The following SLC35F3 variants were observed in gnomAD, a reference collection of about 807,000 sequenced individuals.
SLC35F3 encodes the protein putative thiamine transporter SLC35F3.
SLC35F3 carries 25 observed loss-of-function variants against 49.9 expected under a neutral mutation model. The ratio of observed to expected loss-of-function variants is 0.50; its 90% CI spans 0.37 to 0.70. The LOEUF is 0.70. Ranked by LOEUF, SLC35F3 falls within the 30% of genes least tolerant of loss-of-function variation. The pLI is 0.00. For missense variants in SLC35F3, 525 were observed against 639.8 expected (o/e 0.82, Z 1.94); for synonymous variants, 275 against 265.4 (o/e 1.04, Z -0.35).
intron 2 of SLC35F3, among the ~76,000 whole-genome samples, chr1:234,087,673 T>TA (rs774494898): frequency 3.0e-4 from 46 of 152,056 alleles, no homozygotes; most frequent in African/African-American, 4.3e-4. Flanking sequence ...ACTCTTCTGT[T>TA]AAAAAAAACC....
chr1:233,994,811 G>A (rs1663431795), intron 2 of SLC35F3, among the ~76,000 whole-genome samples: 1 of 151,802 alleles, frequency 6.6e-6, no homozygotes, highest in African/African-American at 2.4e-5. Flanking sequence ...TGTTGAATAG[G>A]CAGTTTCTAA....
intron 2 of SLC35F3, among the ~76,000 whole-genome samples, chr1:233,959,331 C>T (rs557551415): frequency 1.6e-4 from 25 of 152,012 alleles, no homozygotes; most frequent in African/African-American, 5.8e-4. Flanking sequence ...AAATACTTAA[C>T]GACTTTTTGC....
intron 2 of SLC35F3, among the ~76,000 whole-genome samples, chr1:234,171,067 C>T (rs775324046): frequency 5.9e-5 from 9 of 152,222 alleles, no homozygotes; most frequent in African/African-American, 9.7e-5. Context: ...GCTCACTTCT[C>T]CCCAACCCAG....
chr1:234,280,266 A>C (rs1668301880), intron 3 of SLC35F3, among the ~76,000 whole-genome samples: 5 of 152,244 alleles, frequency 3.3e-5, no homozygotes, highest in Admixed American at 3.3e-4. Context: ...ATTTTAGGCA[A>C]CAAATAGGCT....
intron 2 of SLC35F3, among the ~76,000 whole-genome samples, chr1:233,908,001 T>C (rs531803686): frequency 3.3e-5 from 5 of 152,322 alleles, no homozygotes; most frequent in Non-Finnish European, 7.4e-5. Context: ...GCTGGGATTA[T>C]AGGCGTGAGC....
At chr1:233,980,869 A>C (rs1389761666) in intron 2 of SLC35F3, among the ~76,000 whole-genome samples, 1 of 152,248 alleles carries the variant, frequency 6.6e-6, no homozygotes, top group African/African-American at 2.4e-5. Flanking sequence ...GCATTGTCTT[A>C]GCATGTTTAA....
chr1:234,138,335 G>T (rs1471909637), intron 2 of SLC35F3, among the ~76,000 whole-genome samples: 4 of 152,106 alleles, frequency 2.6e-5, no homozygotes, highest in Non-Finnish European at 5.9e-5. Context: ...GTTAATACTG[G>T]GGCTTCTCGG....
chr1:233,960,133 T>C (rs1194411774), intron 2 of SLC35F3, among the ~76,000 whole-genome samples: 2 of 152,242 alleles, frequency 1.3e-5, no homozygotes, highest in East Asian at 3.8e-4. Flanking sequence ...TCCATTCTCA[T>C]ATAAACTGCA....
chr1:234,174,685 G>A (rs1039391453), intron 2 of SLC35F3, among the ~76,000 whole-genome samples: 5 of 152,184 alleles, frequency 3.3e-5, no homozygotes, highest in African/African-American at 9.7e-5. Context: ...CCAGAGATCC[G>A]GCAGAAAGCA....
intron 2 of SLC35F3, among the ~76,000 whole-genome samples, chr1:233,978,283 C>T (rs1471702573): frequency 1.3e-5 from 2 of 152,230 alleles, no homozygotes; most frequent in Admixed American, 1.3e-4. Context: ...CTACATTGTT[C>T]ATGCCACACT....
intron 2 of SLC35F3, among the ~76,000 whole-genome samples, chr1:234,075,568 G>A (rs763043705): frequency 1.3e-5 from 2 of 152,184 alleles, no homozygotes. Flanking sequence ...AAATCATTCC[G>A]CACTGAGAAA....
chr1:234,059,133 T>A (rs1401975948), intron 2 of SLC35F3, among the ~76,000 whole-genome samples: 1 of 152,116 alleles, frequency 6.6e-6, no homozygotes, highest in African/African-American at 2.4e-5. Flanking sequence ...AGCTTTTCGT[T>A]TCATCCATTT....
intron 2 of SLC35F3, among the ~76,000 whole-genome samples, chr1:234,085,981 T>C (rs957645394): frequency 7.2e-5 from 11 of 152,212 alleles, no homozygotes; most frequent in African/African-American, 2.7e-4. Flanking sequence ...TAGTCAAATA[T>C]CAGTAATATT....
chr1:234,113,142 C>T (rs1230811027), intron 2 of SLC35F3, among the ~76,000 whole-genome samples: 1 of 152,186 alleles, frequency 6.6e-6, no homozygotes, highest in African/African-American at 2.4e-5. Flanking sequence ...AAGTTTCTGA[C>T]ATAATCAAAG....
chr1:233,997,842 C>T (rs1036782999), intron 2 of SLC35F3, among the ~76,000 whole-genome samples: 2 of 152,056 alleles, frequency 1.3e-5, no homozygotes, highest in African/African-American at 2.4e-5. Context: ...ACCTCCGCCT[C>T]CCAGGTTCAA....
intron 2 of SLC35F3, among the ~76,000 whole-genome samples, chr1:234,037,538 G>A (rs904604072): frequency 6.6e-6 from 1 of 152,196 alleles, no homozygotes; most frequent in Non-Finnish European, 1.5e-5. Context: ...ACTTCATGGA[G>A]GTTACAATCT....
chr1:233,941,405 A>G (rs923120164), intron 2 of SLC35F3, among the ~76,000 whole-genome samples: 1 of 152,302 alleles, frequency 6.6e-6, no homozygotes, highest in East Asian at 1.9e-4. Flanking sequence ...AACAATTGTC[A>G]CTAAATATTT....
At chr1:234,267,837 C>T (rs1294403112) in intron 3 of SLC35F3, among the ~76,000 whole-genome samples, 1 of 142,012 alleles carries the variant, frequency 7.0e-6, no homozygotes, top group Non-Finnish European at 1.5e-5. Flanking sequence ...CCAGCAGAGG[C>T]GCTCCTCACA....
chr1:234,060,442 G>A (rs553733546), intron 2 of SLC35F3, among the ~76,000 whole-genome samples: 2 of 151,920 alleles, frequency 1.3e-5, no homozygotes, highest in Admixed American at 6.6e-5. Context: ...TCCTATTTAT[G>A]TATTTATTTA....
Sources: allele counts gnomAD v4.1 joint callset (sites outside exome capture counted in the v4.1 genomes callset), GRCh38; gene constraint gnomAD v4.1.1; transcripts MANE v1.5; gene names NCBI Gene and HGNC (gene_info 2026-07-23, HGNC 2026-07-21).